Variants in USP50 observed in about 807,000 individuals in gnomAD.
USP50 encodes ubiquitin specific peptidase 50.
In USP50, 37 loss-of-function variants were observed where a neutral mutation model predicts 39.2. That is an observed-to-expected ratio of 0.94 (90% CI 0.73 to 1.24). The LOEUF is 1.24. USP50 is among the 50% of genes most tolerant of loss of function. The pLI is 0.00. For missense variants in USP50, 374 were observed against 398.2 expected, an observed-to-expected ratio of 0.94 and a Z score of 0.52; for synonymous variants, 139 against 144.5, an observed-to-expected ratio of 0.96 and a Z score of 0.27.
At chr15:50,513,576 G>A (rs1358621238) in intron 6 of USP50, 1 of 144,564 alleles carries the variant, frequency 6.9e-6, no homozygotes, top group African/African-American at 2.5e-5. Context: ...ATTTAAAAAT[G>A]TACACTCAAG....
chr15:50,498,538 T>C, downstream of USP50: 2 of 1,502,810 alleles, frequency 1.3e-6, no homozygotes, highest in Non-Finnish European at 1.8e-6. Context: ...TGTTAATGAA[T>C]GAGGATTCAT....
intron 5 of USP50, among the ~76,000 whole-genome samples, chr15:50,536,618 A>T (rs2414077): frequency 1.3e-5 from 2 of 151,860 alleles, no homozygotes; most frequent in African/African-American, 4.8e-5. Flanking sequence ...TCCAGCCTGG[A>T]CAACAGAGCA....
chr15:50,501,901 A>G (rs564659678), intron 6 of USP50: 1 of 152,306 alleles, frequency 6.6e-6, no homozygotes, highest in East Asian at 1.9e-4. Flanking sequence ...TGAAATTCAA[A>G]TGTCAATGTC....
chr15:50,538,708 C>A lies in USP50; in HGVS notation c.803+1G>T. On this transcript the variant is annotated splice_donor_variant, in intron 5 of 6. Transcript: ENST00000532404. LOFTEE classifies it high-confidence loss of function. ...GCCCACAAAAATGTAAAAATCCATA[C>A]CTTTTTAGGTGGAAAATAATTATTT... The A allele has an allele frequency of 6.4e-7, 1 of 1,571,310 alleles. No homozygotes were observed. Among genetic ancestry groups the A allele is most frequent in the Non-Finnish European group, 8.6e-7 (1 of 1,158,426 alleles).
At position 50,529,804 on chromosome 15, in the gene USP50, G is replaced by A. The variant is rs1384230580; in HGVS notation, c.929C>T (p.Ala310Val). The A allele has an allele frequency of 1.2e-6, 2 of 1,613,482 alleles. No homozygotes were observed. Among genetic ancestry groups the A allele is most frequent in the African/African-American group, 2.7e-5 (2 of 74,754 alleles). ...CAGTTTGTTTTTACTCACCACCACTGCACAGAGGTTGTATTTAGGATATTT... is the reference window on the plus strand; with the variant it reads ...CAGTTTGTTTTTACTCACCACCACTACACAGAGGTTGTATTTAGGATATTT... ...FRKYPKYNLCAVVNHFGDLDG... is the reference protein window; with the variant it reads ...FRKYPKYNLCVVVNHFGDLDG... Residue 310 changes from alanine to valine, a missense_variant, in exon 6 of 7, where the codon GCA (alanine) becomes GTA (valine). By Grantham distance (64) the Ala-to-Val change is moderately conservative. Coordinates refer to ENST00000532404, the MANE Select transcript of USP50 (RefSeq NM_203494.5).
chr15:50,544,734 T>C lies in USP50; in HGVS notation c.101A>G (p.Asp34Gly), dbSNP rs1048817166. The part of the protein sequence containing the change: ...YYDTLPVKEA[D>G]GNQPHFQGVT... ...ACCCTGAAAATGGGGCTGGTTCCCA[T>C]CAGCCTCCTTAACTGGAAGGGTATC... Residue 34 changes from aspartate (D) to glycine (G), a missense_variant, in exon 2 of 7, where the codon GAT (aspartate) becomes GGT (glycine). Asp to Gly is a moderately conservative substitution (Grantham distance 94, BLOSUM62 -1). Transcript: ENST00000532404. 6.2e-7 allele frequency: 1 copy of C among 1,614,036 alleles called. No homozygotes were observed. Among genetic ancestry groups the C allele is most frequent in the Non-Finnish European group, 8.5e-7 (1 of 1,179,900 alleles).
chr15:50,494,908 AG>A (rs1405716065), intron 1 of USP50, among the ~76,000 whole-genome samples: 1 of 151,982 alleles, frequency 6.6e-6, no homozygotes, highest in African/African-American at 2.4e-5. Flanking sequence ...CCAGCTACTC[AG>A]GTGGCTGAAG....
In USP50 at chr15:50,515,334, C is replaced by T. The variant is rs980947918; in HGVS notation, c.936+14463G>A. 1.6e-4 allele frequency among the ~76,000 whole-genome samples: 24 copies of T among 152,032 alleles called. No individual in the cohort carries two copies. The Middle Eastern group carries it at 9.5e-3, about 60-fold the overall frequency. On this transcript the variant is annotated intron_variant, in intron 6 of 6. Transcript: ENST00000532404. ...TCGGCTCACTGCAACCTCTGCCTCC[C>T]GGGTTCACGCCATTCTCCTGCCTCA...
intron 6 of USP50, among the ~76,000 whole-genome samples, chr15:50,517,218 C>T (rs1227786087): frequency 6.6e-6 from 1 of 152,148 alleles, no homozygotes; most frequent in African/African-American, 2.4e-5. Flanking sequence ...TGCCTGTAAT[C>T]CCAGCACTTT....
chr15:50,543,953 C>T, intron 2 of USP50, 160 bp from the exon 3 acceptor site: 1 of 668,126 alleles, frequency 1.5e-6, no homozygotes, highest in Non-Finnish European at 2.6e-6. Context: ...GCTTGAGCCC[C>T]CAGAAGGTCG....
chr15:50,529,670 TTCC>T (rs2052924604), intron 6 of USP50, 124 bp downstream of exon 6: 10 of 1,033,116 alleles, frequency 9.7e-6, no homozygotes, highest in Non-Finnish European at 1.4e-5. Flanking sequence ...AGTGGAGAGT[TTCC>T]TGGTCTATAT....
At chr15:50,493,425 T>G (rs759930457), downstream of USP50, 11 of 518,830 alleles carry the variant, frequency 2.1e-5, no homozygotes, top group African/African-American at 1.9e-4. Context: ...TCCAGAAAAG[T>G]CAAATTAGGA....
intron 6 of USP50, chr15:50,513,109 A>G (rs1200930344): frequency 6.6e-6 from 1 of 152,218 alleles, no homozygotes; most frequent in African/African-American, 2.4e-5. Context: ...GGCAAAAATT[A>G]AGAAGTCTGA....
At chr15:50,539,266 G>A (rs1312930767) in intron 4 of USP50, among the ~76,000 whole-genome samples, 3 of 150,780 alleles carry the variant, frequency 2.0e-5, no homozygotes, top group Admixed American at 1.3e-4. Context: ...GCACCACCAA[G>A]CCCAGCTAAT....
At position 50,521,992 on chromosome 15, in the gene USP50, A is replaced by G. The variant is rs577477249; in HGVS notation, c.936+7805T>C. Among the ~76,000 whole-genome samples the G allele has an allele frequency of 1.1e-4, 17 of 152,238 alleles. No individual in the cohort carries two copies. The South Asian group carries it at 3.5e-3, about 32-fold the overall frequency. On this transcript the variant is annotated intron_variant, in intron 6 of 6. Coordinates refer to ENST00000532404, the MANE Select transcript of USP50 (RefSeq NM_203494.5). Reference sequence around the variant, plus strand: ...AAACAGCAGAAACAAAAGAGGACACATTACAATTCATAACACAAATATAAA... The same window carrying G: ...AAACAGCAGAAACAAAAGAGGACACGTTACAATTCATAACACAAATATAAA...
chr15:50,494,084 G>A (rs1223148412), exon 2 of USP50: 1 of 1,607,218 alleles, frequency 6.2e-7, no homozygotes, highest in Non-Finnish European at 8.5e-7. Context: ...AATTTGTTGG[G>A]GCATAAAGGT....
chr15:50,542,045 T>TAAA (rs11399289), intron 3 of USP50, among the ~76,000 whole-genome samples: 5 of 138,518 alleles, frequency 3.6e-5, no homozygotes, highest in Admixed American at 7.3e-5. Flanking sequence ...CAAGGTTAAT[T>TAAA]AAAAAAAAAA....
intron 5 of USP50, 132 bp from the exon 6 acceptor site, chr15:50,530,061 C>G: frequency 7.8e-7 from 1 of 1,279,546 alleles, no homozygotes; most frequent in Non-Finnish European, 1.1e-6. Context: ...AATCCCACAA[C>G]TTTGGGAGGC....
chr15:50,515,403 G>C (rs930796416), intron 6 of USP50, among the ~76,000 whole-genome samples: 2 of 151,864 alleles, frequency 1.3e-5, no homozygotes, highest in Non-Finnish European at 2.9e-5. Flanking sequence ...CACCACGCCC[G>C]GCTAATTTTT....
Sources: gnomAD v4.1 joint callset for allele counts (sites outside exome capture counted in the v4.1 genomes callset) on GRCh38, gnomAD v4.1.1 for gene constraint, MANE v1.5 for transcripts, NCBI Gene and HGNC (gene_info 2026-07-23, HGNC 2026-07-21) for gene names.